Variants in RBFOX1 observed in about 807,000 individuals in gnomAD.
RBFOX1 encodes the protein RNA binding protein fox-1 homolog 1.
In RBFOX1, 8 loss-of-function variants were observed where a neutral mutation model predicts 57.7. The observed-to-expected ratio is 0.14, with a 90% CI of 0.08 to 0.25. The LOEUF is 0.25. Ranked by LOEUF, RBFOX1 falls within the 10% of genes least tolerant of loss-of-function variation. The pLI is 1.00. For missense variants in RBFOX1, 611 were observed against 548.5 expected, an observed-to-expected ratio of 1.11 and a Z score of -1.14; for synonymous variants, 326 against 222.4, an observed-to-expected ratio of 1.47 and a Z score of -4.15.
intron 1 of RBFOX1, among the ~76,000 whole-genome samples, chr16:6,134,538 G>T (rs2096652208): frequency 6.6e-6 from 1 of 152,180 alleles, no homozygotes; most frequent in South Asian, 2.1e-4. Context: ...CTTTCTGCGG[G>T]AGTGGTAGGT....
intron 1 of RBFOX1, among the ~76,000 whole-genome samples, chr16:6,040,570 T>TTCTTTC (rs1555484378): frequency 1.3e-5 from 2 of 149,986 alleles, no homozygotes; most frequent in African/African-American, 5.0e-5. Flanking sequence ...CTTTCTTTCT[T>TTCTTTC]TCTCTCTCTC....
At chr16:7,382,256 C>G (rs2097792799) in intron 4 of RBFOX1, among the ~76,000 whole-genome samples, 1 of 152,182 alleles carries the variant, frequency 6.6e-6, no homozygotes, top group South Asian at 2.1e-4. Flanking sequence ...CTCAGTTCCA[C>G]TAAATATTTT....
intron 4 of RBFOX1, among the ~76,000 whole-genome samples, chr16:7,076,024 C>G (rs568513300): frequency 2.6e-4 from 39 of 151,888 alleles, no homozygotes; most frequent in Non-Finnish European, 3.4e-4. Context: ...TTCTATTTAT[C>G]CTCACACTTG....
intron 3 of RBFOX1, among the ~76,000 whole-genome samples, chr16:6,955,348 G>GCACGCA (rs1555675598): frequency 6.7e-6 from 1 of 150,230 alleles, no homozygotes; most frequent in African/African-American, 2.4e-5. Flanking sequence ...CCCCACATAT[G>GCACGCA]CACACACACA....
At chr16:5,858,274 A>G (rs984889518) in intron 3 of RBFOX1, among the ~76,000 whole-genome samples, 6 of 152,134 alleles carry the variant, frequency 3.9e-5, no homozygotes, top group African/African-American at 1.4e-4. Context: ...CACTTCTCAC[A>G]CCAACCCAGG....
chr16:6,780,420 T>TTATATATA (rs1236604181), intron 3 of RBFOX1, among the ~76,000 whole-genome samples: 2 of 110,454 alleles, frequency 1.8e-5, no homozygotes, highest in African/African-American at 3.6e-5. Flanking sequence ...TTATATATAT[T>TTATATATA]TATATATATT....
At chr16:5,469,834 C>G (rs1455326239) in intron 2 of RBFOX1, among the ~76,000 whole-genome samples, 1 of 152,196 alleles carries the variant, frequency 6.6e-6, no homozygotes, top group Non-Finnish European at 1.5e-5. Flanking sequence ...GTAGCATTCT[C>G]TCCTTTTTAT....
chr16:7,114,741 C>G (rs778171139), intron 4 of RBFOX1, among the ~76,000 whole-genome samples: 30 of 152,172 alleles, frequency 2.0e-4, no homozygotes, highest in Admixed American at 1.6e-3. Context: ...CTGCTAGGTG[C>G]ATGGAAACTT....
chr16:5,444,422 G>T (rs2068179396), intron 1 of RBFOX1, among the ~76,000 whole-genome samples: 1 of 152,214 alleles, frequency 6.6e-6, no homozygotes, highest in African/African-American at 2.4e-5. Flanking sequence ...CGGAAAGACA[G>T]TTGTAGACAA....
intron 3 of RBFOX1, among the ~76,000 whole-genome samples, chr16:6,833,418 C>T (rs1333034027): frequency 2.0e-5 from 3 of 152,106 alleles, no homozygotes; most frequent in Non-Finnish European, 2.9e-5. Context: ...CAACCTGCCT[C>T]GGCTTCCCAA....
intron 7 of RBFOX1, among the ~76,000 whole-genome samples, chr16:7,591,759 G>A (rs768297646): frequency 6.6e-6 from 1 of 152,194 alleles, no homozygotes; most frequent in Non-Finnish European, 1.5e-5. Flanking sequence ...TGCCGAGCAA[G>A]CCAAGCTCAG....
chr16:6,687,163 C>G (rs992119072), intron 3 of RBFOX1, among the ~76,000 whole-genome samples: 1 of 152,042 alleles, frequency 6.6e-6, no homozygotes, highest in Non-Finnish European at 1.5e-5. Flanking sequence ...TTATGAGTAT[C>G]CTTTGAATTC....
intron 4 of RBFOX1, among the ~76,000 whole-genome samples, chr16:5,892,090 C>A (rs1399267626): frequency 6.6e-6 from 1 of 152,184 alleles, no homozygotes; most frequent in Non-Finnish European, 1.5e-5. Context: ...AGTGTTCTGT[C>A]CTTACGGCAC....
At chr16:5,274,093 A>C (rs1232574525) in intron 1 of RBFOX1, among the ~76,000 whole-genome samples, 12 of 152,198 alleles carry the variant, frequency 7.9e-5, no homozygotes, top group African/African-American at 2.9e-4. Flanking sequence ...TGGTACGTAG[A>C]AGTGCATTTT....
chr16:5,259,044 A>C (rs1353519628), intron 1 of RBFOX1, among the ~76,000 whole-genome samples: 1 of 152,152 alleles, frequency 6.6e-6, no homozygotes, highest in Non-Finnish European at 1.5e-5. Flanking sequence ...AGGTTCAAGC[A>C]TTCCCAGGGC....
intron 4 of RBFOX1, among the ~76,000 whole-genome samples, chr16:5,885,862 A>G (rs897765540): frequency 6.6e-6 from 1 of 152,098 alleles, no homozygotes; most frequent in Non-Finnish European, 1.5e-5. Context: ...GGTTACTGAT[A>G]CAGGTTGGCT....
At chr16:5,390,391 C>T (rs768421474) in intron 1 of RBFOX1, among the ~76,000 whole-genome samples, 64 of 150,568 alleles carry the variant, frequency 4.3e-4, no homozygotes, top group African/African-American at 9.1e-4. Context: ...TGGGTTCAAG[C>T]GATTCTCCTG....
At chr16:5,334,123 G>A (rs1216906914) in intron 1 of RBFOX1, among the ~76,000 whole-genome samples, 1 of 152,182 alleles carries the variant, frequency 6.6e-6, no homozygotes, top group East Asian at 1.9e-4. Flanking sequence ...CTTATCACAG[G>A]CTTGGAATGT....
chr16:6,844,569 T>A (rs1452163506), intron 3 of RBFOX1, among the ~76,000 whole-genome samples: 1 of 152,204 alleles, frequency 6.6e-6, no homozygotes, highest in African/African-American at 2.4e-5. Context: ...ACTTTTTTTT[T>A]TATCCAGTCT....
Sources: gnomAD v4.1 joint callset for allele counts (sites outside exome capture counted in the v4.1 genomes callset) on GRCh38, gnomAD v4.1.1 for gene constraint, MANE v1.5 for transcripts, NCBI Gene and HGNC (gene_info 2026-07-23, HGNC 2026-07-21) for gene names.